Variants in AP2B1 observed in about 807,000 individuals in gnomAD.
AP2B1 encodes AP-2 complex subunit beta.
Under a neutral mutation model 102.0 loss-of-function variants are expected in AP2B1, and 23 were observed. The observed-to-expected ratio is 0.23, with a 90% CI of 0.16 to 0.32. AP2B1 has a LOEUF of 0.32. AP2B1 is among the 10% of genes least tolerant of loss of function. The pLI is 1.00. For synonymous variants in AP2B1, 381 were observed against 421.2 expected (o/e 0.90, Z 1.17); for missense variants, 541 against 1,157.4 (o/e 0.47, Z 7.73).
intron 18 of AP2B1, among the ~76,000 whole-genome samples, chr17:35,695,851 T>C (rs1290305211): frequency 6.6e-6 from 1 of 152,162 alleles, no homozygotes; most frequent in African/African-American, 2.4e-5. Flanking sequence ...TGGTTGCCGT[T>C]GTCTCATCTT....
intron 5 of AP2B1, among the ~76,000 whole-genome samples, chr17:35,618,669 G>A (rs575260283): frequency 3.9e-5 from 6 of 152,130 alleles, no homozygotes; most frequent in Non-Finnish European, 7.4e-5. Flanking sequence ...GAGCTTATGT[G>A]TGTGATATTC....
At chr17:35,648,405 A>G (rs2074996169) in intron 12 of AP2B1, among the ~76,000 whole-genome samples, 1 of 152,106 alleles carries the variant, frequency 6.6e-6, no homozygotes. Flanking sequence ...AATCCCAGCT[A>G]CTTGGGAGAC....
intron 17 of AP2B1, among the ~76,000 whole-genome samples, chr17:35,679,768 A>G (rs919833849): frequency 6.6e-6 from 1 of 152,014 alleles, no homozygotes; most frequent in Non-Finnish European, 1.5e-5. Flanking sequence ...AAAAGAGTAA[A>G]ATTTTTTTTG....
chr17:35,663,432 A>G (rs977953603), intron 14 of AP2B1, among the ~76,000 whole-genome samples: 8 of 151,990 alleles, frequency 5.3e-5, no homozygotes, highest in Non-Finnish European at 1.2e-4. Context: ...AGTAAGTTGC[A>G]GAGTTGGGAT....
chr17:35,712,487 G>A lies in AP2B1; in HGVS notation c.2626+2167G>A, dbSNP rs587692358. 7.9e-5 allele frequency among the ~76,000 whole-genome samples: 12 copies of A among 152,188 alleles called. No individual in the cohort carries two copies. In the East Asian group the frequency reaches 9.7e-4, roughly 12 times the overall value. ...ACTAAAAATACAAAAAATTAGCCAG[G>A]CGTGGTGGCGGGCACCTGTGGTCTC... On this transcript the variant is annotated intron_variant, in intron 20 of 21. Transcript: ENST00000610402.
chr17:35,723,825 G>T lies in AP2B1; in HGVS notation c.*126G>T. On this transcript the variant is annotated 3_prime_UTR_variant, in exon 22 of 22. Transcript: ENST00000610402. ...AGGCCACCTAGCAAGGTAGTAACTAGTCTAACCTGTGCTAACATTAGGGCA... is the reference window on the plus strand; with the variant it reads ...AGGCCACCTAGCAAGGTAGTAACTATTCTAACCTGTGCTAACATTAGGGCA... 1 of 675,142 alleles carries T rather than the reference G, an allele frequency of 1.5e-6. No homozygotes were observed. The highest frequency in any genetic ancestry group is 1.8e-5 in the South Asian group (1 of 56,304). 41.8% of individuals were successfully genotyped at this position (675,142 alleles called of 1,614,324 possible).
chr17:35,714,730 A>T (rs968004457), intron 20 of AP2B1, among the ~76,000 whole-genome samples: 6 of 152,164 alleles, frequency 3.9e-5, no homozygotes, highest in Middle Eastern at 3.2e-3. Context: ...GAAAGCAAGG[A>T]AGGAAAAAGA....
At chr17:35,677,976 C>G (rs957947052) in intron 17 of AP2B1, among the ~76,000 whole-genome samples, 4 of 151,824 alleles carry the variant, frequency 2.6e-5, no homozygotes, top group African/African-American at 9.7e-5. Flanking sequence ...TCTCCATCCT[C>G]AGCCTCCTGA....
chr17:35,654,303 A>C (rs2075164805), intron 13 of AP2B1, among the ~76,000 whole-genome samples: 1 of 152,084 alleles, frequency 6.6e-6, no homozygotes, highest in African/African-American at 2.4e-5. Context: ...ACCTCAGGTG[A>C]TCTGCCGACC....
chr17:35,720,584 T>TA (rs2085355531), intron 21 of AP2B1, among the ~76,000 whole-genome samples: 1 of 110,274 alleles, frequency 9.1e-6, no homozygotes, highest in South Asian at 3.4e-4. Context: ...TTTTTTTTTT[T>TA]TTTTTTTTTT....
At chr17:35,649,568 C>A (rs1338071583) in intron 12 of AP2B1, among the ~76,000 whole-genome samples, 1 of 152,166 alleles carries the variant, frequency 6.6e-6, no homozygotes, top group Admixed American at 6.5e-5. Context: ...CCGCGCCCGG[C>A]CCTAGTTTAA....
At chr17:35,650,992 C>T (rs376057599) in intron 13 of AP2B1, 1 of 558,404 alleles carries the variant, frequency 1.8e-6, no homozygotes, top group South Asian at 2.4e-5. Context: ...TACCAGTGAC[C>T]ACACATAAAA....
chr17:35,614,593 C>T (rs1444509616), intron 5 of AP2B1, among the ~76,000 whole-genome samples: 1 of 142,540 alleles, frequency 7.0e-6, no homozygotes, highest in Non-Finnish European at 1.5e-5. Flanking sequence ...CACAGCTGCC[C>T]ATGAGAATAC....
chr17:35,653,833 A>G (rs1260644034), intron 13 of AP2B1, among the ~76,000 whole-genome samples: 1 of 152,076 alleles, frequency 6.6e-6, no homozygotes, highest in African/African-American at 2.4e-5. Flanking sequence ...GACTCTGGGC[A>G]TGAGCCACCG....
Position 35,643,554 on chromosome 17 carries a change from A to T in AP2B1, c.1536+1579A>T, listed in dbSNP as rs139492984. Among the ~76,000 whole-genome samples the T allele has an allele frequency of 3.0e-3, 453 of 152,234 alleles. 2 individuals carry two copies. The highest frequency in any genetic ancestry group is 4.6e-3 in the Non-Finnish European group (315 of 67,994). ...CCTCTTAAGTATTTATCAAAATTTGACTGAGATAAAGTATTTAGGAAGGAT... is the reference window on the plus strand; with the variant it reads ...CCTCTTAAGTATTTATCAAAATTTGTCTGAGATAAAGTATTTAGGAAGGAT... On this transcript the variant is annotated intron_variant, in intron 12 of 21. Coordinates refer to ENST00000610402, the MANE Select transcript of AP2B1 (RefSeq NM_001030006.2).
At position 35,703,888 on chromosome 17, in the gene AP2B1, T is replaced by C. The variant is rs186143170; in HGVS notation, c.2455-5336T>C. 7.3e-3 allele frequency among the ~76,000 whole-genome samples: 1,118 copies of C among 152,206 alleles called. 11 individuals are homozygous for C. Among genetic ancestry groups the C allele is most frequent in the South Asian group, 0.051 (244 of 4,814 alleles). On this transcript the variant is annotated intron_variant, in intron 18 of 21. Transcript: ENST00000610402. ...GCAACCTATTATCCAAGTGAAGATA[T>C]TAAGTAGGCAGTTGGTTATATATGT...
chr17:35,670,236 A>T (rs2075558586), intron 14 of AP2B1, among the ~76,000 whole-genome samples: 1 of 152,200 alleles, frequency 6.6e-6, no homozygotes, highest in Non-Finnish European at 1.5e-5. Context: ...ATGCTTCCCC[A>T]CTTCCTCCTT....
At chr17:35,697,837 C>T (rs1258878584) in intron 18 of AP2B1, among the ~76,000 whole-genome samples, 1 of 152,166 alleles carries the variant, frequency 6.6e-6, no homozygotes, top group Non-Finnish European at 1.5e-5. Context: ...TGGCATGCGC[C>T]TGTAGTCCCA....
chr17:35,621,448 G>A (rs1398981051), intron 5 of AP2B1: 1 of 625,858 alleles, frequency 1.6e-6, no homozygotes, highest in Non-Finnish European at 2.0e-6. Context: ...AGGATGGAAG[G>A]AACTTCAAGA....
Sources: gnomAD v4.1 joint callset for allele counts (sites outside exome capture counted in the v4.1 genomes callset) on GRCh38, gnomAD v4.1.1 for gene constraint, MANE v1.5 for transcripts, NCBI Gene and HGNC (gene_info 2026-07-23, HGNC 2026-07-21) for gene names.